The following C7orf78 variants were observed in gnomAD, a reference collection of about 807,000 sequenced individuals.
C7orf78 encodes the protein putative uncharacterized protein C7orf78.
the C7orf78 span, among the ~76,000 whole-genome samples, chr7:12,498,981 A>G: frequency 2.0e-5 from 3 of 151,932 alleles, no homozygotes; most frequent in African/African-American, 2.4e-5. Context: ...TTCCAGCCAA[A>G]CTAAGCTTCA....
the C7orf78 span, among the ~76,000 whole-genome samples, chr7:12,514,639 T>G: frequency 6.6e-6 from 1 of 152,132 alleles, no homozygotes; most frequent in African/African-American, 2.4e-5. Context: ...CTTTTATTAT[T>G]TGCCCATAGG....
chr7:12,542,098 AT>A, the C7orf78 span: 1 of 152,180 alleles, frequency 6.6e-6, no homozygotes, highest in Non-Finnish European at 1.5e-5. Context: ...GTAGGATTTA[AT>A]GCTATTGCCA....
At chr7:12,535,635 A>G in the C7orf78 span, among the ~76,000 whole-genome samples, 1 of 152,214 alleles carries the variant, frequency 6.6e-6, no homozygotes, top group Non-Finnish European at 1.5e-5. Context: ...GAATTAACTC[A>G]AAAGTCCACG....
the C7orf78 span, chr7:12,496,365 T>C: frequency 6.6e-6 from 1 of 152,352 alleles, no homozygotes; most frequent in East Asian, 1.9e-4. Flanking sequence ...TGTTTACATA[T>C]TAGAAAATTC....
chr7:12,490,500 A>G, the C7orf78 span, among the ~76,000 whole-genome samples: 1 of 152,106 alleles, frequency 6.6e-6, no homozygotes, highest in Non-Finnish European at 1.5e-5. Flanking sequence ...TTTTATTAAA[A>G]AGTTATATTC....
chr7:12,531,226 G>C, the C7orf78 span: 1 of 392,982 alleles, frequency 2.5e-6, no homozygotes, highest in East Asian at 3.6e-5. Context: ...AAGTGAAATA[G>C]TTGCATGGTG....
chr7:12,494,509 C>T, the C7orf78 span, among the ~76,000 whole-genome samples: 1 of 152,092 alleles, frequency 6.6e-6, no homozygotes, highest in Non-Finnish European at 1.5e-5. Flanking sequence ...CTCTGAACAT[C>T]AGAAGTGCTG....
At chr7:12,523,619 G>A in the C7orf78 span, among the ~76,000 whole-genome samples, 1 of 152,080 alleles carries the variant, frequency 6.6e-6, no homozygotes, top group South Asian at 2.1e-4. Context: ...AGAACAGAGA[G>A]GTAAGAACCT....
the C7orf78 span, chr7:12,529,018 T>C: frequency 5.0e-6 from 2 of 398,418 alleles, no homozygotes; most frequent in Non-Finnish European, 8.8e-6. Flanking sequence ...GAAAGCCCCA[T>C]GGCCTGTTAG....
At chr7:12,494,806 T>G in the C7orf78 span, among the ~76,000 whole-genome samples, 1 of 152,180 alleles carries the variant, frequency 6.6e-6, no homozygotes, top group African/African-American at 2.4e-5. Context: ...TTGGGGCTGC[T>G]ACCTCCTCCT....
chr7:12,529,135 G>A, the C7orf78 span: 1 of 397,086 alleles, frequency 2.5e-6, no homozygotes, highest in Non-Finnish European at 4.4e-6. Context: ...ATTTGTTGTA[G>A]TGTAAAATAT....
the C7orf78 span, among the ~76,000 whole-genome samples, chr7:12,529,329 C>G: frequency 6.6e-6 from 1 of 152,070 alleles, no homozygotes; most frequent in African/African-American, 2.4e-5. Flanking sequence ...CAGAGTATCC[C>G]TGTTCTTTTA....
chr7:12,529,007 C>T, the C7orf78 span: 1,524 of 398,466 alleles, frequency 3.8e-3, 22 homozygotes, highest in African/African-American at 0.028. Context: ...CTAATTTTGA[C>T]GAAAGCCCCA....
chr7:12,496,980 A>G, the C7orf78 span, among the ~76,000 whole-genome samples: 4 of 152,248 alleles, frequency 2.6e-5, no homozygotes, highest in African/African-American at 4.8e-5. Flanking sequence ...GGACAAAATT[A>G]TAAGTAATTT....
the C7orf78 span, chr7:12,505,956 A>G: frequency 6.6e-6 from 1 of 152,306 alleles, no homozygotes; most frequent in African/African-American, 2.4e-5. Flanking sequence ...AAAATAAGGT[A>G]TCATAGAGAA....
the C7orf78 span, among the ~76,000 whole-genome samples, chr7:12,513,828 G>A: frequency 7.3e-5 from 11 of 151,600 alleles, no homozygotes; most frequent in Non-Finnish European, 1.0e-4. Flanking sequence ...GTGAAACCCC[G>A]TCTCTACTAA....
chr7:12,506,838 C>T, the C7orf78 span: 1 of 425,446 alleles, frequency 2.4e-6, no homozygotes, highest in Non-Finnish European at 4.7e-6. Flanking sequence ...TACAGCAATT[C>T]CAAGTTTGTC....
the C7orf78 span, among the ~76,000 whole-genome samples, chr7:12,495,734 C>G: frequency 6.6e-6 from 1 of 152,026 alleles, no homozygotes; most frequent in East Asian, 1.9e-4. Context: ...TTGCAATTAT[C>G]TGTTCTATGA....
the C7orf78 span, among the ~76,000 whole-genome samples, chr7:12,489,134 T>C: frequency 1.3e-5 from 2 of 152,116 alleles, no homozygotes; most frequent in Non-Finnish European, 2.9e-5. Flanking sequence ...ATTTTCATAA[T>C]GGCTTGTAAC....
Sources: allele counts gnomAD v4.1 joint callset (sites outside exome capture counted in the v4.1 genomes callset), GRCh38; gene constraint gnomAD v4.1.1; transcripts MANE v1.5; gene names NCBI Gene and HGNC (gene_info 2026-07-23, HGNC 2026-07-21).